Variants in FER1L6 observed in about 807,000 individuals in gnomAD.
The protein encoded by FER1L6 is fer-1 like family member 6.
FER1L6 carries 177 observed loss-of-function variants against 219.2 expected under a neutral mutation model. That is an observed-to-expected ratio of 0.81 (90% confidence interval 0.71 to 0.91). The LOEUF is 0.91. Ranked by LOEUF, FER1L6 falls within the 40% of genes least tolerant of loss-of-function variation. FER1L6 has a pLI of 0.00. For synonymous variants in FER1L6, 768 were observed against 824.3 expected (o/e 0.93, Z 1.17); for missense variants, 2,153 against 2,259.9 (o/e 0.95, Z 0.96).
At chr8:123,941,528 G>C (rs1024694822) in intron 1 of FER1L6, among the ~76,000 whole-genome samples, 1 of 152,140 alleles carries the variant, frequency 6.6e-6, no homozygotes, top group Admixed American at 6.5e-5. Context: ...TGAGTACAGG[G>C]TGGTCCATTT....
rs1419777168 is a variant in FER1L6 at position 123,914,043 on chromosome 8, T to C, written c.-7-41949T>C. Among the ~76,000 whole-genome samples, 3 of 152,228 alleles carry C rather than the reference T, an allele frequency of 2.0e-5. No individual in the cohort carries two copies. The East Asian group carries it at 5.8e-4, about 29-fold the overall frequency. ...AACATTTTGGGATTCTAAATTGCAG[T>C]GTTCTAAAATGGTAGCCACTAGCTA... On this transcript the variant is annotated intron_variant, in intron 1 of 40. Transcript: ENST00000522917.
At chr8:123,955,865 C>A in intron 1 of FER1L6, 127 bp from the exon 2 acceptor site, 2 of 798,358 alleles carry the variant, frequency 2.5e-6, no homozygotes, top group Non-Finnish European at 4.1e-6. Flanking sequence ...TGTCTTTTGC[C>A]CTCATCCTGG....
At chr8:123,892,380 C>T (rs552943593) in intron 1 of FER1L6, among the ~76,000 whole-genome samples, 7 of 152,180 alleles carry the variant, frequency 4.6e-5, no homozygotes, top group African/African-American at 1.2e-4. Context: ...CAACTCCTGC[C>T]TCCTGGGTTC....
At position 124,028,909 on chromosome 8, in the gene FER1L6, G is replaced by T. The variant is rs185863736; in HGVS notation, c.2286+5313G>T. 9.8e-4 allele frequency among the ~76,000 whole-genome samples: 149 copies of T among 152,254 alleles called. 1 individual carries two copies. Among genetic ancestry groups the T allele is most frequent in the Non-Finnish European group, 1.7e-3 (116 of 68,006 alleles). On this transcript the variant is annotated intron_variant, in intron 18 of 40. Coordinates refer to ENST00000522917, the MANE Select transcript of FER1L6 (RefSeq NM_001039112.2). ...AGGTTTTAAGCCTTGCATGTATTAG[G>T]TATTTGTCCTAATGGTCTCCCTCCC...
At chr8:124,089,871 G>C (rs1821951321) in intron 33 of FER1L6, among the ~76,000 whole-genome samples, 1 of 151,592 alleles carries the variant, frequency 6.6e-6, no homozygotes, top group Admixed American at 6.6e-5. Flanking sequence ...TATGTCATTA[G>C]ATATTCTTTA....
chr8:123,864,434 G>A (rs1260470552), intron 1 of FER1L6, among the ~76,000 whole-genome samples: 3 of 150,428 alleles, frequency 2.0e-5, no homozygotes, highest in African/African-American at 7.5e-5. Context: ...TTTCAACTTT[G>A]GTGAATCTGA....
chr8:123,963,395 G>C lies in FER1L6; in HGVS notation c.194G>C (p.Arg65Thr), dbSNP rs1815393775. 4.3e-6 allele frequency: 7 copies of C among 1,613,930 alleles called. No individual in the cohort carries two copies. In the South Asian group the frequency reaches 5.5e-5, roughly 13 times the overall value. Residue 65 changes from arginine to threonine, a missense_variant, in exon 3 of 41, where the codon AGA (arginine) becomes ACA (threonine). By Grantham distance (71) the Arg-to-Thr change is moderately conservative (BLOSUM62 -1). Transcript: ENST00000522917. ...CCTGTCCCCTCAGCTTCTCCAAAGAGAAGGTACAGTATGGATGCAGGTGGT... is the reference window on the plus strand; with the variant it reads ...CCTGTCCCCTCAGCTTCTCCAAAGACAAGGTACAGTATGGATGCAGGTGGT... ...IFPVPSASPK[R>T]RSKLLTKIHD...
At chr8:123,975,774 ATCTTAC>A in intron 8 of FER1L6, 118 bp from the exon 9 acceptor site, 1 of 773,948 alleles carries the variant, frequency 1.3e-6, no homozygotes, top group Middle Eastern at 3.1e-4. Context: ...TCAGCAATGA[ATCTTAC>A]TCTTTTCAGA....
At chr8:124,072,857 C>T (rs563027144) in intron 31 of FER1L6, among the ~76,000 whole-genome samples, 2 of 152,296 alleles carry the variant, frequency 1.3e-5, no homozygotes, top group South Asian at 4.1e-4. Flanking sequence ...TTCAGGAAGT[C>T]ACTTGGGTTT....
At chr8:124,005,086 A>G (rs1310125844) in intron 13 of FER1L6, among the ~76,000 whole-genome samples, 1 of 152,072 alleles carries the variant, frequency 6.6e-6, no homozygotes, top group Non-Finnish European at 1.5e-5. Flanking sequence ...GTTCTTAAGT[A>G]TTTCTCATAT....
At chr8:124,003,450 C>CT in intron 13 of FER1L6, 103 bp downstream of exon 13, 5 of 240,332 alleles carry the variant, frequency 2.1e-5, no homozygotes, top group South Asian at 1.2e-4. Context: ...TCAGAAATGT[C>CT]CTTTTTTTTT....
intron 31 of FER1L6, among the ~76,000 whole-genome samples, chr8:124,075,433 G>A (rs560385021): frequency 2.0e-5 from 3 of 152,202 alleles, no homozygotes; most frequent in African/African-American, 7.2e-5. Flanking sequence ...GTCTTCAAGG[G>A]CACTAACACG....
intron 11 of FER1L6, chr8:123,984,020 G>T (rs1816441411): frequency 6.6e-6 from 1 of 152,172 alleles, no homozygotes; most frequent in Admixed American, 6.5e-5. Context: ...CATTTTAGCA[G>T]CTTGAGGAGC....
chr8:124,090,909 G>A (rs1003257862), intron 33 of FER1L6, among the ~76,000 whole-genome samples: 1 of 152,178 alleles, frequency 6.6e-6, no homozygotes, highest in African/African-American at 2.4e-5. Flanking sequence ...CAGCAGCCGA[G>A]TGGCTGTTCT....
At chr8:124,075,212 T>C (rs1426771664) in intron 31 of FER1L6, among the ~76,000 whole-genome samples, 1 of 152,278 alleles carries the variant, frequency 6.6e-6, no homozygotes. Context: ...AAACAACATT[T>C]AGCTTAAAAC....
At position 123,852,582 on chromosome 8, in the gene FER1L6, G is replaced by T. The variant is rs1212561877; in HGVS notation, c.-8+397G>T. Reference sequence around the variant, plus strand: ...TTTTGGGGGATTATAGAGACAAAAAGCATGAGGAAGTTGCCTCAGGAACTC... The same window carrying T: ...TTTTGGGGGATTATAGAGACAAAAATCATGAGGAAGTTGCCTCAGGAACTC... On this transcript the variant is annotated intron_variant, in intron 1 of 40. Coordinates refer to ENST00000522917, the MANE Select transcript of FER1L6 (RefSeq NM_001039112.2). The surrounding 1 kb of genome is among the most constrained non-coding windows in gnomAD (Gnocchi z 4.9). 1.3e-5 allele frequency among the ~76,000 whole-genome samples: 2 copies of T among 151,862 alleles called. No individual in the cohort carries two copies. The highest frequency in any genetic ancestry group is 4.8e-5 in the African/African-American group (2 of 41,340).
intron 2 of FER1L6, 143 bp from the exon 3 acceptor site, chr8:123,963,135 G>A (rs922104487): frequency 5.5e-6 from 6 of 1,083,034 alleles, no homozygotes; most frequent in Non-Finnish European, 7.9e-6. Context: ...CCAATAAGAT[G>A]TTAAGTTTTA....
chr8:123,867,758 T>C (rs10110548), intron 1 of FER1L6, among the ~76,000 whole-genome samples: 42,572 of 145,844 alleles, frequency 0.29, 6,941 homozygotes, highest in Middle Eastern at 0.39. Context: ...ATGGATGGCA[T>C]TTTTTTTCTT....
Position 124,097,498 on chromosome 8 carries a change from T to G in FER1L6, c.4784+139T>G, listed in dbSNP as rs976336241. The G allele has an allele frequency of 6.2e-6, 4 of 644,524 alleles. No homozygotes were observed. In the Admixed American group the frequency reaches 8.5e-5, roughly 14 times the overall value. The allele number at this position is 644,524 out of a possible 1,614,324, so 39.9% of individuals were successfully genotyped here. ...ACCCGGCCAGTTTTTCAGGAGCTGG[T>G]GGTGGCCCCTGTCTTAAGGGAGGGG... On this transcript the variant is annotated intron_variant, in intron 36 of 40. Transcript: ENST00000522917.
Sources: gnomAD v4.1 joint callset for allele counts (sites outside exome capture counted in the v4.1 genomes callset) on GRCh38, gnomAD v4.1.1 for gene constraint, Gnocchi (gnomAD v3.1) non-coding constraint, MANE v1.5 for transcripts, NCBI Gene and HGNC (gene_info 2026-07-23, HGNC 2026-07-21) for gene names.